The following LYPD6 variants were observed in gnomAD, a reference collection of about 807,000 sequenced individuals.
LYPD6 encodes the protein ly6/PLAUR domain-containing protein 6.
In LYPD6, 15 loss-of-function variants were observed where a neutral mutation model predicts 22.7. That is an observed-to-expected ratio of 0.66 (90% CI 0.44 to 1.02). LYPD6 has a LOEUF of 1.02. Ranked by LOEUF, LYPD6 falls within the 50% of genes least tolerant of loss-of-function variation. The pLI is 0.00. For missense variants in LYPD6, 189 were observed against 208.4 expected (o/e 0.91, Z 0.57); for synonymous variants, 72 against 77.5 (o/e 0.93, Z 0.37).
chr2:149,343,952 A>G (rs1243920728), intron 1 of LYPD6, among the ~76,000 whole-genome samples: 7 of 152,188 alleles, frequency 4.6e-5, no homozygotes, highest in Admixed American at 3.3e-4. Context: ...CTTTTAGAAC[A>G]TTTAGTAACT....
At chr2:149,415,036 T>C (rs1437066002) in intron 1 of LYPD6, among the ~76,000 whole-genome samples, 2 of 152,234 alleles carry the variant, frequency 1.3e-5, no homozygotes, top group African/African-American at 2.4e-5. Context: ...CTAACCTCAC[T>C]AGCCCTTGTG....
chr2:149,459,707 G>T (rs1422168982), intron 3 of LYPD6, among the ~76,000 whole-genome samples: 1 of 152,154 alleles, frequency 6.6e-6, no homozygotes, highest in African/African-American at 2.4e-5. Flanking sequence ...TTCAAGACCA[G>T]CCTGATCAGG....
intron 1 of LYPD6, among the ~76,000 whole-genome samples, chr2:149,339,123 C>T (rs1273461034): frequency 6.6e-6 from 1 of 152,118 alleles, no homozygotes; most frequent in Non-Finnish European, 1.5e-5. Flanking sequence ...CTAGTGTATA[C>T]ATTATGAAGG....
intron 1 of LYPD6, chr2:149,370,607 C>T (rs919721455): frequency 3.3e-5 from 5 of 152,080 alleles, no homozygotes; most frequent in Admixed American, 6.6e-5. Flanking sequence ...GAATTCCCAC[C>T]GTCTAGAACT....
At chr2:149,400,150 C>G (rs188908926) in intron 1 of LYPD6, among the ~76,000 whole-genome samples, 1 of 152,204 alleles carries the variant, frequency 6.6e-6, no homozygotes, top group Non-Finnish European at 1.5e-5. Context: ...CCTGTGAGAA[C>G]AGCTAGTGAG....
intron 1 of LYPD6, among the ~76,000 whole-genome samples, chr2:149,405,036 T>C (rs976426678): frequency 6.6e-6 from 1 of 152,224 alleles, no homozygotes; most frequent in African/African-American, 2.4e-5. Context: ...TGGATTACAT[T>C]TATTAATTTG....
At chr2:149,423,712 C>T (rs1234944461) in intron 1 of LYPD6, among the ~76,000 whole-genome samples, 1 of 140,530 alleles carries the variant, frequency 7.1e-6, no homozygotes, top group Non-Finnish European at 1.5e-5. Flanking sequence ...CCAAACTACT[C>T]CTCAGAAAAC....
chr2:149,338,411 G>A (rs1057251965), intron 1 of LYPD6, among the ~76,000 whole-genome samples: 2 of 152,114 alleles, frequency 1.3e-5, no homozygotes, highest in African/African-American at 4.8e-5. Context: ...ATATTACTGT[G>A]GTCTGAATAG....
rs181011747 is a variant in LYPD6 at position 149,441,303 on chromosome 2, G to A, written c.118+3477G>A. Among the ~76,000 whole-genome samples the A allele has an allele frequency of 1.1e-4, 17 of 152,320 alleles. No homozygotes were observed. In the East Asian group the frequency reaches 2.5e-3, roughly 23 times the overall value. The stretch of plus-strand genomic sequence containing the variant: ...TGTGAATGAGCCACATTTCATTAAT[G>A]TTACAATGTGTAACATGAAGCTCGG... On this transcript the variant is annotated intron_variant, in intron 2 of 4. Coordinates refer to ENST00000334166, the MANE Select transcript of LYPD6 (RefSeq NM_194317.5).
chr2:149,430,361 A>C (rs924161985), intron 1 of LYPD6, among the ~76,000 whole-genome samples: 2 of 152,114 alleles, frequency 1.3e-5, no homozygotes, highest in Non-Finnish European at 2.9e-5. Flanking sequence ...CAGCCTCCCA[A>C]AGTGCTGGGA....
chr2:149,474,904 G>A (rs1681425271), downstream of LYPD6, among the ~76,000 whole-genome samples: 1 of 152,112 alleles, frequency 6.6e-6, no homozygotes, highest in Non-Finnish European at 1.5e-5. Context: ...AGGTAGCTGG[G>A]ATTACAGGTG....
chr2:149,423,390 A>G (rs975120849), intron 1 of LYPD6, among the ~76,000 whole-genome samples: 6 of 152,170 alleles, frequency 3.9e-5, no homozygotes, highest in Admixed American at 3.3e-4. Flanking sequence ...AGGCTGCATG[A>G]TGAAGGGGGG....
intron 1 of LYPD6, among the ~76,000 whole-genome samples, chr2:149,387,060 G>A (rs1452107541): frequency 6.6e-6 from 1 of 152,096 alleles, no homozygotes; most frequent in African/African-American, 2.4e-5. Flanking sequence ...TTGAGACCAA[G>A]TGGAAAAAAA....
downstream of LYPD6, among the ~76,000 whole-genome samples, chr2:149,478,501 G>T (rs1373126629): frequency 1.3e-5 from 2 of 151,994 alleles, no homozygotes; most frequent in African/African-American, 4.8e-5. Context: ...ATGGCTCACT[G>T]CAGCCTCCGA....
chr2:149,392,960 A>G (rs1682345095), intron 1 of LYPD6, among the ~76,000 whole-genome samples: 1 of 152,196 alleles, frequency 6.6e-6, no homozygotes, highest in African/African-American at 2.4e-5. Context: ...TGGGAAGCAG[A>G]GGATGCAGTG....
intron 3 of LYPD6, among the ~76,000 whole-genome samples, chr2:149,463,452 C>T (rs1269566034): frequency 6.6e-6 from 1 of 152,130 alleles, no homozygotes; most frequent in Non-Finnish European, 1.5e-5. Flanking sequence ...AATGTTACAG[C>T]CACTCTGGAA....
chr2:149,470,345 A>G (rs1273005856), intron 4 of LYPD6, among the ~76,000 whole-genome samples: 1 of 152,204 alleles, frequency 6.6e-6, no homozygotes, highest in Non-Finnish European at 1.5e-5. Context: ...AAAGAGCCTC[A>G]TGGAAAAACA....
At chr2:149,350,235 A>T (rs554986872) in intron 1 of LYPD6, among the ~76,000 whole-genome samples, 2 of 152,358 alleles carry the variant, frequency 1.3e-5, no homozygotes, top group Admixed American at 6.5e-5. Context: ...CTATGTAAGA[A>T]TCAGGTATTG....
chr2:149,411,497 G>A (rs890836151), intron 1 of LYPD6, among the ~76,000 whole-genome samples: 2 of 151,938 alleles, frequency 1.3e-5, no homozygotes, highest in Non-Finnish European at 2.9e-5. Context: ...TTATTTGCTT[G>A]TTTTATTTAA....
Sources: allele counts gnomAD v4.1 joint callset (sites outside exome capture counted in the v4.1 genomes callset), GRCh38; gene constraint gnomAD v4.1.1; transcripts MANE v1.5; gene names NCBI Gene and HGNC (gene_info 2026-07-23, HGNC 2026-07-21).